ST8SIA5: variants seen among roughly 807,000 people sequenced by gnomAD.
The protein encoded by ST8SIA5 is alpha-2,8-sialyltransferase 8E.
ST8SIA5 carries 24 observed loss-of-function variants against 40.2 expected under a neutral mutation model. That is an observed-to-expected ratio of 0.60 (90% CI 0.43 to 0.84). ST8SIA5 has a LOEUF of 0.84. ST8SIA5 is among the 40% of genes least tolerant of loss of function. The pLI, the probability that ST8SIA5 is intolerant of heterozygous loss-of-function variation, is 0.00. For synonymous variants in ST8SIA5, 198 were observed against 201.8 expected (o/e 0.98, Z 0.16); for missense variants, 465 against 498.5 (o/e 0.93, Z 0.64).
At position 46,677,964 on chromosome 18, in the gene ST8SIA5, A is replaced by G. The variant is rs1344962548; in HGVS notation, c.*2078T>C. 1 of 152,206 alleles carries G rather than the reference A, an allele frequency of 6.6e-6. No homozygotes were observed. The highest frequency in any genetic ancestry group is 1.5e-5 in the Non-Finnish European group (1 of 68,032). The allele number at this position is 152,206 out of a possible 1,614,324, so 9.4% of individuals were successfully genotyped here. A position where few individuals can be genotyped will look rare whatever the true frequency, so the allele number is the denominator to read the frequency against. The stretch of plus-strand genomic sequence containing the variant: ...AAGTGGAACAAAATGGTCTTTAAGA[A>G]CCTTCTAGTTTTTATATTCCATGGT... On this transcript the variant is annotated 3_prime_UTR_variant, in exon 7 of 7. Transcript: ENST00000315087.
rs1289006377 is a variant in ST8SIA5, at chr18:46,680,494, T to G, written c.679A>C (p.Lys227Gln). Reference protein sequence around the residue: ...IITERFHKLEKWRRPFYRVLQ... With the variant: ...IITERFHKLEQWRRPFYRVLQ... ...ACGCGATAGAACGGCCGCCGCCACT[T>G]CTCCAGCTTGTGGAACCTACACAGG... The change falls in exon 7 of 7, where the codon AAG becomes CAG. Residue 227 changes from lysine (K) to glutamine (Q), a missense_variant. Transcript: ENST00000315087. 31 of 1,593,786 alleles carry G rather than the reference T, an allele frequency of 1.9e-5. No homozygotes were observed. In the East Asian group the frequency reaches 7.0e-4, roughly 36 times the overall value.
rs2144442950 is a variant in ST8SIA5, at chr18:46,672,864, C to T, written c.*7178G>A. The T allele has an allele frequency of 6.6e-6, 1 of 152,340 alleles. No individual in the cohort carries two copies. The highest frequency in any genetic ancestry group is 2.1e-4 in the South Asian group (1 of 4,826). 9.4% of individuals were successfully genotyped at this position (152,340 alleles called of 1,614,324 possible). A position where few individuals can be genotyped will look rare whatever the true frequency, so the allele number is the denominator to read the frequency against. The stretch of plus-strand genomic sequence containing the variant: ...AAAAACAAAAACAAAAATCAGATTT[C>T]TGCTTTAGGGACACCCAAAACAGTT... On this transcript the variant is annotated 3_prime_UTR_variant, in exon 7 of 7. Coordinates refer to ENST00000315087, the MANE Select transcript of ST8SIA5 (RefSeq NM_013305.6).
In ST8SIA5 at chr18:46,756,561, C is replaced by T. The variant is rs1320389959; in HGVS notation, c.-53G>A. 29 of 1,589,126 alleles carry T rather than the reference C, an allele frequency of 1.8e-5. No individual in the cohort carries two copies. The highest frequency in any genetic ancestry group is 2.3e-5 in the Non-Finnish European group (27 of 1,167,568). Reference sequence around the variant, plus strand: ...GGTACGGGGCGGCCAGGCAATGACTCGCGGGGTTCCGGGGCCCCGGGGGGC... The same window carrying T: ...GGTACGGGGCGGCCAGGCAATGACTTGCGGGGTTCCGGGGCCCCGGGGGGC... On this transcript the variant is annotated 5_prime_UTR_variant, in exon 1 of 7. Transcript: ENST00000315087.
intron 1 of ST8SIA5, among the ~76,000 whole-genome samples, chr18:46,748,955 A>C (rs982518646): frequency 2.0e-5 from 3 of 152,244 alleles, no homozygotes; most frequent in African/African-American, 4.8e-5. Flanking sequence ...AAAACAACTC[A>C]AATGTCTATG....
intron 1 of ST8SIA5, among the ~76,000 whole-genome samples, chr18:46,705,650 C>T (rs1468738965): frequency 2.6e-5 from 4 of 152,244 alleles, no homozygotes; most frequent in East Asian, 1.9e-4. Flanking sequence ...GGCAGAGGCC[C>T]GGTGAGCCCT....
intron 1 of ST8SIA5, among the ~76,000 whole-genome samples, chr18:46,705,517 C>T (rs1441363306): frequency 2.0e-5 from 3 of 152,220 alleles, no homozygotes; most frequent in African/African-American, 7.2e-5. Flanking sequence ...GTGCCCAGAC[C>T]CCCGGAGCTG....
intron 2 of ST8SIA5, among the ~76,000 whole-genome samples, chr18:46,694,225 CT>C (rs908402137): frequency 5.3e-5 from 8 of 151,534 alleles, no homozygotes; most frequent in African/African-American, 1.5e-4. Flanking sequence ...AATTATGCAT[CT>C]TTTTTTTTGT....
rs545037063 is a variant in ST8SIA5 at position 46,738,489 on chromosome 18, C to T, written c.131+17889G>A. On this transcript the variant is annotated intron_variant, in intron 1 of 6. Transcript: ENST00000315087. The stretch of plus-strand genomic sequence containing the variant: ...CAGGCTCATGTAAGTACAAAGTTAA[C>T]GCCTGAGAGTAGAGGCCACCTTAAA... Among the ~76,000 whole-genome samples, 13 of 152,268 alleles carry T rather than the reference C, an allele frequency of 8.5e-5. No individual in the cohort carries two copies. The Middle Eastern group carries it at 0.01, about 120-fold the overall frequency.
At chr18:46,729,273 A>C (rs2039962867) in intron 1 of ST8SIA5, among the ~76,000 whole-genome samples, 1 of 152,152 alleles carries the variant, frequency 6.6e-6, no homozygotes, top group Non-Finnish European at 1.5e-5. Context: ...TCACCCCTAC[A>C]TAATTATGGT....
At chr18:46,725,425 G>A (rs1330906723) in intron 1 of ST8SIA5, among the ~76,000 whole-genome samples, 3 of 152,110 alleles carry the variant, frequency 2.0e-5, no homozygotes, top group Non-Finnish European at 4.4e-5. Flanking sequence ...TCCTACCCAT[G>A]GTGAGACCCC....
chr18:46,756,529 G>A lies in ST8SIA5; in HGVS notation c.-21C>T. On this transcript the variant is annotated 5_prime_UTR_variant, in exon 1 of 7. Coordinates refer to ENST00000315087, the MANE Select transcript of ST8SIA5 (RefSeq NM_013305.6). ...CGCATCCTGGCTACCGGGCGCCGCGGGCGCGGGGTACGGGGCGGCCAGGCA... is the reference window on the plus strand; with the variant it reads ...CGCATCCTGGCTACCGGGCGCCGCGAGCGCGGGGTACGGGGCGGCCAGGCA... The A allele has an allele frequency of 6.2e-7, 1 of 1,611,244 alleles. No homozygotes were observed. Among genetic ancestry groups the A allele is most frequent in the Non-Finnish European group, 8.5e-7 (1 of 1,178,380 alleles).
At chr18:46,728,092 G>A (rs1265332486) in intron 1 of ST8SIA5, among the ~76,000 whole-genome samples, 1 of 152,058 alleles carries the variant, frequency 6.6e-6, no homozygotes, top group Admixed American at 6.6e-5. Context: ...CTACTCAGGA[G>A]GCTGAGGCAG....
chr18:46,753,072 G>C (rs2040209023), intron 1 of ST8SIA5, among the ~76,000 whole-genome samples: 2 of 152,150 alleles, frequency 1.3e-5, no homozygotes, highest in South Asian at 4.1e-4. Context: ...TGAGGCTAGT[G>C]ACCCACTGTT....
chr18:46,703,611 A>G (rs1396371147), intron 2 of ST8SIA5, among the ~76,000 whole-genome samples: 2 of 152,142 alleles, frequency 1.3e-5, no homozygotes, highest in South Asian at 2.1e-4. Context: ...TTGGAATCAC[A>G]TCAGATGGGT....
intron 1 of ST8SIA5, among the ~76,000 whole-genome samples, chr18:46,725,972 A>ATAGATAT (rs1555696956): frequency 3.4e-5 from 1 of 29,096 alleles, no homozygotes. Context: ...AAAAAAAAAA[A>ATAGATAT]ATATATATAT....
chr18:46,686,185 G>A lies in ST8SIA5; in HGVS notation c.558C>T (p.Asp186=). 6.2e-7 allele frequency: 1 copy of A among 1,614,152 alleles called. No individual in the cohort carries two copies. Among genetic ancestry groups the A allele is most frequent in the South Asian group, 1.1e-5 (1 of 91,074 alleles). ...AGGGTTTCTTTTACCGGAAGACGAA[G>A]TCGGCGCTGTTGATCTCCCTCCCGC... ...SRCGREINSA[D]FVFRCNLPPI... Residue 186 remains aspartate, a synonymous_variant, in exon 5 of 7, where the codon GAC becomes GAT. Coordinates refer to ENST00000315087, the MANE Select transcript of ST8SIA5 (RefSeq NM_013305.6).
intron 1 of ST8SIA5, among the ~76,000 whole-genome samples, chr18:46,749,599 T>A (rs1278639709): frequency 3.9e-5 from 6 of 152,226 alleles, no homozygotes; most frequent in African/African-American, 1.4e-4. Context: ...GGTTGCTGAT[T>A]ATAAAATTAA....
chr18:46,705,454 C>T (rs1193465988), intron 1 of ST8SIA5, among the ~76,000 whole-genome samples: 2 of 152,220 alleles, frequency 1.3e-5, no homozygotes, highest in Non-Finnish European at 2.9e-5. Context: ...TTCTAATCAG[C>T]CTATGAGGAA....
intron 1 of ST8SIA5, among the ~76,000 whole-genome samples, chr18:46,721,706 A>G (rs1019921684): frequency 1.3e-5 from 2 of 152,040 alleles, no homozygotes; most frequent in African/African-American, 4.8e-5. Flanking sequence ...CAGGGCTGAG[A>G]GCACACATTT....
Sources: allele counts gnomAD v4.1 joint callset (sites outside exome capture counted in the v4.1 genomes callset), GRCh38; gene constraint gnomAD v4.1.1; transcripts MANE v1.5; gene names NCBI Gene and HGNC (gene_info 2026-07-23, HGNC 2026-07-21).